FLOT1: variants seen among roughly 807,000 people sequenced by gnomAD.
FLOT1 encodes flotillin-1.
In FLOT1, 40 loss-of-function variants were observed where a neutral mutation model predicts 58.4. The ratio of observed to expected loss-of-function variants is 0.69; its 90% CI spans 0.53 to 0.89. FLOT1 has a LOEUF of 0.89. Ranked by LOEUF, FLOT1 falls within the 40% of genes least tolerant of loss-of-function variation. The probability of loss-of-function intolerance (pLI) is 0.00; values close to 1 mark genes in which losing one functional copy is unlikely to be tolerated. For synonymous variants in FLOT1, 178 were observed against 204.2 expected (o/e 0.87, Z 1.09); for missense variants, 423 against 540.8 (o/e 0.78, Z 2.16).
intron 12 of FLOT1, among the ~76,000 whole-genome samples, chr6:30,728,720 T>C (rs946053958): frequency 6.6e-6 from 1 of 152,010 alleles, no homozygotes; most frequent in Non-Finnish European, 1.5e-5. Flanking sequence ...TCGTCCACCC[T>C]GGCCTCCCAA....
intron 5 of FLOT1, 37 bp from the exon 6 acceptor site, chr6:30,740,835 T>G (rs918680514): frequency 7.1e-5 from 15 of 211,442 alleles, no homozygotes; most frequent in African/African-American, 4.7e-4. Context: ...GGGATGTAAG[T>G]TTTTTTTTTT....
chr6:30,733,992 C>T (rs1179154242), intron 8 of FLOT1, among the ~76,000 whole-genome samples: 1 of 126,858 alleles, frequency 7.9e-6, no homozygotes, highest in Non-Finnish European at 1.6e-5. Flanking sequence ...GTTGAGGTTA[C>T]AGTGAGCCTT....
At chr6:30,734,689 C>A (rs1777440875) in intron 8 of FLOT1, among the ~76,000 whole-genome samples, 1 of 152,012 alleles carries the variant, frequency 6.6e-6, no homozygotes, top group Non-Finnish European at 1.5e-5. Context: ...TCAGCTCTTG[C>A]CAGGTTACCA....
Position 30,742,245 on chromosome 6 carries a change from G to A in FLOT1, c.-14-42C>T, listed in dbSNP as rs1778051545. On this transcript the variant is annotated intron_variant, in intron 1 of 12. Coordinates refer to ENST00000376389, the MANE Select transcript of FLOT1 (RefSeq NM_005803.4). This position sits in a 1 kb window ranked among gnomAD's most constrained non-coding sequence, Gnocchi z 5.2. ...GAAAGCCTTTGCGGATGGGGAAGGC[G>A]CGCTGTGGCGTCCACAGGGGCCCAT... 2 of 1,553,094 alleles carry A rather than the reference G, an allele frequency of 1.3e-6. No homozygotes were observed. The highest frequency in any genetic ancestry group is 1.7e-5 in the Admixed American group (1 of 59,898).
chr6:30,742,203 G>C lies in FLOT1; in HGVS notation c.-14C>G, dbSNP rs756972325. 1.1e-5 allele frequency: 18 copies of C among 1,612,966 alleles called. No individual in the cohort carries two copies. The Admixed American group carries it at 2.8e-4, about 25-fold the overall frequency. ...AGTGAAAAACATGGTTCAGGCTGGA[G>C]CTGGAGGAGAGGGAGGGAAAGCCTT... On this transcript the variant is annotated splice_region_variant and 5_prime_UTR_variant, in exon 2 of 13. Transcript: ENST00000376389. The surrounding 1 kb of genome is among the most constrained non-coding windows in gnomAD (Gnocchi z 5.2).
chr6:30,733,751 AAAAAG>A (rs1777364573), intron 8 of FLOT1, among the ~76,000 whole-genome samples: 2 of 126,346 alleles, frequency 1.6e-5, no homozygotes, highest in Admixed American at 1.5e-4. Flanking sequence ...AAAAAAAAAA[AAAAAG>A]AAAAGAAAGC....
rs370865468 is a variant in FLOT1 at position 30,736,814 on chromosome 6, C to T, written c.723+3344G>A. On this transcript the variant is annotated intron_variant, in intron 8 of 12. Coordinates refer to ENST00000376389, the MANE Select transcript of FLOT1 (RefSeq NM_005803.4). ...TTCACCATGTTAGCCAGGATGGTCTCGATCTCCTGACCTCGTGATCTGCCC... is the reference window on the plus strand; with the variant it reads ...TTCACCATGTTAGCCAGGATGGTCTTGATCTCCTGACCTCGTGATCTGCCC... 5.2e-4 allele frequency among the ~76,000 whole-genome samples: 79 copies of T among 151,958 alleles called. 2 individuals carry two copies. The highest frequency in any genetic ancestry group is 1.2e-3 in the East Asian group (6 of 5,058).
rs577597493 is a variant in FLOT1 at position 30,741,397 on chromosome 6, A to G, written c.211-64T>C. The G allele has an allele frequency of 6.9e-6, 11 of 1,592,512 alleles. 1 individual carries two copies. The East Asian group carries it at 1.8e-4, about 26-fold the overall frequency. ...TCTCATGAAGTCAGAGAAAAAGCAGAGAGAGAAGGGAGAGCCCTCTAAGAA... is the reference window on the plus strand; with the variant it reads ...TCTCATGAAGTCAGAGAAAAAGCAGGGAGAGAAGGGAGAGCCCTCTAAGAA... On this transcript the variant is annotated intron_variant, in intron 4 of 12. Coordinates refer to ENST00000376389, the MANE Select transcript of FLOT1 (RefSeq NM_005803.4). This position sits in a 1 kb window ranked among gnomAD's most constrained non-coding sequence, Gnocchi z 5.9.
In FLOT1 at chr6:30,730,094, A is replaced by G; in HGVS notation, c.1182T>C (p.Thr394=). 6.2e-7 allele frequency: 1 copy of G among 1,612,976 alleles called. No homozygotes were observed. The highest frequency in any genetic ancestry group is 8.5e-7 in the Non-Finnish European group (1 of 1,179,994). ...GSGTMGAAKV[T]GEVLDILTRL... ...GAGTTAGAATGTCCAGTACTTCCCCAGTCACTTTGGCTGCCCCCATGGTCC... is the reference window on the plus strand; with the variant it reads ...GAGTTAGAATGTCCAGTACTTCCCCGGTCACTTTGGCTGCCCCCATGGTCC... Residue 394 remains threonine, a synonymous_variant, in exon 12 of 13, where the codon ACT becomes ACC. Transcript: ENST00000376389.
intron 8 of FLOT1, among the ~76,000 whole-genome samples, chr6:30,734,300 T>A (rs565128548): frequency 5.9e-5 from 9 of 151,548 alleles, no homozygotes; most frequent in Middle Eastern, 3.4e-3. Flanking sequence ...CACATTTGCA[T>A]GTGCTTGACT....
At chr6:30,734,338 T>A (rs1199122248) in intron 8 of FLOT1, among the ~76,000 whole-genome samples, 1 of 150,614 alleles carries the variant, frequency 6.6e-6, no homozygotes, top group Non-Finnish European at 1.5e-5. Flanking sequence ...AGATGGAGTC[T>A]CGCTCTGTCA....
chr6:30,737,242 G>GTCCATCCATCCATCCATCCATCCA lies in FLOT1; in HGVS notation c.723+2915_723+2916insTGGATGGATGGATGGATGGATGGA, dbSNP rs146050958. On this transcript the variant is annotated intron_variant, in intron 8 of 12. Coordinates refer to ENST00000376389, the MANE Select transcript of FLOT1 (RefSeq NM_005803.4). This position sits in a 1 kb window ranked among gnomAD's most constrained non-coding sequence, Gnocchi z 4.4. ...CGTCCGTCCGTCCGTCCGTCCGTCC[G>GTCCATCCATCCATCCATCCATCCA]TCCGTCCATCCGTCCATCCATCCAT... Among the ~76,000 whole-genome samples, 42 of 145,848 alleles carry GTCCATCCATCCATCCATCCATCCA rather than the reference G, an allele frequency of 2.9e-4. No individual in the cohort carries two copies. Among genetic ancestry groups the GTCCATCCATCCATCCATCCATCCA allele is most frequent in the African/African-American group, 6.2e-4 (24 of 38,554 alleles).
At position 30,740,377 on chromosome 6, in the gene FLOT1, T is replaced by C; in HGVS notation, c.571-67A>G. On this transcript the variant is annotated intron_variant, in intron 7 of 12. Coordinates refer to ENST00000376389, the MANE Select transcript of FLOT1 (RefSeq NM_005803.4). The stretch of plus-strand genomic sequence containing the variant: ...GAGAAAGGCCACGGTGACAGCCTGC[T>C]TCCCACCAAGGTTCTCTTTCTGCCT... 4.4e-6 allele frequency: 7 copies of C among 1,596,230 alleles called. No homozygotes were observed. The South Asian group carries it at 7.7e-5, about 18-fold the overall frequency.
At position 30,737,205 on chromosome 6, in the gene FLOT1, CT is replaced by C. The variant is rs1204484055; in HGVS notation, c.723+2952del. 4.3e-3 allele frequency among the ~76,000 whole-genome samples: 617 copies of C among 142,168 alleles called. 13 individuals carry two copies. In the East Asian group the frequency reaches 0.06, roughly 14 times the overall value. The allele number at this position is 142,168 out of a possible 152,430, so 93.3% of individuals were successfully genotyped here. On this transcript the variant is annotated intron_variant, in intron 8 of 12. Transcript: ENST00000376389. The surrounding 1 kb of genome is among the most constrained non-coding windows in gnomAD (Gnocchi z 4.4). ...TATGACTGACTGACTGACTGACTGT[CT>C]GTCGTCCGTCCGTCCGTCCGTCCGT...
intron 12 of FLOT1, among the ~76,000 whole-genome samples, chr6:30,729,784 T>C (rs9501028): frequency 0.028 from 4,284 of 152,320 alleles, 118 homozygotes; most frequent in East Asian, 0.093. Flanking sequence ...ACTAGCAGAA[T>C]GAGTAGGAAC....
intron 11 of FLOT1, 100 bp downstream of exon 11, chr6:30,730,328 A>G (rs1210524727): frequency 6.7e-7 from 1 of 1,494,980 alleles, no homozygotes; most frequent in East Asian, 2.3e-5. Context: ...CCTAATTTAG[A>G]GTCCCCCTAG....
At position 30,741,416 on chromosome 6, in the gene FLOT1, C is replaced by T; in HGVS notation, c.211-83G>A. The T allele has an allele frequency of 6.5e-7, 1 of 1,539,524 alleles. No individual in the cohort carries two copies. Among genetic ancestry groups the T allele is most frequent in the Non-Finnish European group, 8.9e-7 (1 of 1,120,194 alleles). On this transcript the variant is annotated intron_variant, in intron 4 of 12. Coordinates refer to ENST00000376389, the MANE Select transcript of FLOT1 (RefSeq NM_005803.4). This position sits in a 1 kb window ranked among gnomAD's most constrained non-coding sequence, Gnocchi z 5.9. ...AAGCAGAGAGAGAAGGGAGAGCCCT[C>T]TAAGAAATGCTTCTTCCATTTCAGG...
At chr6:30,731,699 T>C (rs1339223675) in intron 8 of FLOT1, among the ~76,000 whole-genome samples, 1 of 152,212 alleles carries the variant, frequency 6.6e-6, no homozygotes, top group Non-Finnish European at 1.5e-5. Context: ...CCCCCACTGT[T>C]GCTGCGATAA....
At chr6:30,733,740 C>CAAAAAAAA in intron 8 of FLOT1, among the ~76,000 whole-genome samples, 1 of 63,076 alleles carries the variant, frequency 1.6e-5, no homozygotes. Context: ...AAATCCATCT[C>CAAAAAAAA]AAAAAAAAAA....
Sources: gnomAD v4.1 joint callset for allele counts (sites outside exome capture counted in the v4.1 genomes callset) on GRCh38, gnomAD v4.1.1 for gene constraint, Gnocchi (gnomAD v3.1) non-coding constraint, MANE v1.5 for transcripts, NCBI Gene and HGNC (gene_info 2026-07-23, HGNC 2026-07-21) for gene names.